Variants in LRRTM4 observed in about 807,000 individuals in gnomAD.
LRRTM4 encodes the protein leucine-rich repeat transmembrane neuronal protein 4.
LRRTM4 carries 25 observed loss-of-function variants against 47.6 expected under a neutral mutation model. That is an observed-to-expected ratio of 0.53 (90% CI 0.38 to 0.73). The LOEUF (loss-of-function observed/expected upper bound fraction) is 0.73, where lower values mean the gene tolerates loss of function less well. LRRTM4 is among the 30% of genes least tolerant of loss of function. The pLI is 0.00. For missense variants in LRRTM4, 638 were observed against 713.4 expected (o/e 0.89, Z 1.20); for synonymous variants, 311 against 269.5 (o/e 1.15, Z -1.51).
chr2:77,046,536 C>A (rs184176848), intron 3 of LRRTM4, among the ~76,000 whole-genome samples: 124 of 151,992 alleles, frequency 8.2e-4, no homozygotes, highest in Middle Eastern at 3.4e-3. Flanking sequence ...CCTGGAGGAG[C>A]CTTTGGCAGA....
intron 3 of LRRTM4, among the ~76,000 whole-genome samples, chr2:76,807,016 T>G (rs1676002197): frequency 6.6e-6 from 1 of 152,164 alleles, no homozygotes; most frequent in Admixed American, 6.5e-5. Context: ...GAAGAAAATT[T>G]AAAAACATTT....
chr2:76,928,369 T>C (rs1023331856), intron 3 of LRRTM4, among the ~76,000 whole-genome samples: 3 of 152,186 alleles, frequency 2.0e-5, no homozygotes, highest in Non-Finnish European at 2.9e-5. Context: ...TGAATATGTT[T>C]AAACAAGTGC....
At chr2:77,503,079 C>T (rs1201082120) in intron 3 of LRRTM4, among the ~76,000 whole-genome samples, 2 of 150,434 alleles carry the variant, frequency 1.3e-5, no homozygotes, top group African/African-American at 2.4e-5. Flanking sequence ...GGTTCTCATT[C>T]TATCAACAAT....
intron 3 of LRRTM4, among the ~76,000 whole-genome samples, chr2:77,404,707 T>C (rs1317159976): frequency 6.6e-6 from 1 of 152,072 alleles, no homozygotes; most frequent in Non-Finnish European, 1.5e-5. Context: ...TTTCTTTCAA[T>C]ATCATCATAA....
intron 3 of LRRTM4, among the ~76,000 whole-genome samples, chr2:77,030,614 A>G (rs922518542): frequency 1.1e-4 from 16 of 152,188 alleles, no homozygotes; most frequent in African/African-American, 3.6e-4. Context: ...CTACCCTTTA[A>G]AACAATTTTT....
intron 3 of LRRTM4, among the ~76,000 whole-genome samples, chr2:77,163,534 C>A (rs1413686379): frequency 6.6e-6 from 1 of 152,036 alleles, no homozygotes; most frequent in East Asian, 1.9e-4. Flanking sequence ...TCAGATTTAC[C>A]AAAGATGACG....
At chr2:76,970,005 A>T (rs780595191) in intron 3 of LRRTM4, among the ~76,000 whole-genome samples, 5 of 151,958 alleles carry the variant, frequency 3.3e-5, no homozygotes, top group Non-Finnish European at 7.4e-5. Flanking sequence ...AATTTTTGAG[A>T]TCACATGGCC....
intron 3 of LRRTM4, among the ~76,000 whole-genome samples, chr2:76,985,181 G>T (rs1676750017): frequency 6.6e-6 from 1 of 151,478 alleles, no homozygotes; most frequent in African/African-American, 2.4e-5. Context: ...TTTTATTTGA[G>T]ATTATTTTGT....
At chr2:77,400,074 T>C (rs1307180439) in intron 3 of LRRTM4, among the ~76,000 whole-genome samples, 2 of 151,818 alleles carry the variant, frequency 1.3e-5, no homozygotes, top group Admixed American at 1.3e-4. Flanking sequence ...CTCACCACCC[T>C]ATTCTCTGGA....
chr2:77,104,444 A>G (rs1671038765), intron 3 of LRRTM4, among the ~76,000 whole-genome samples: 1 of 152,194 alleles, frequency 6.6e-6, no homozygotes, highest in Admixed American at 6.5e-5. Context: ...ACAAGGCAGA[A>G]ATTTGAAGGC....
intron 3 of LRRTM4, among the ~76,000 whole-genome samples, chr2:77,273,053 C>T (rs958431644): frequency 1.3e-5 from 2 of 152,108 alleles, no homozygotes; most frequent in Non-Finnish European, 2.9e-5. Context: ...TTCTGTGTGG[C>T]ATAACAAATT....
chr2:76,918,093 A>G (rs1435972641), intron 3 of LRRTM4, among the ~76,000 whole-genome samples: 1 of 152,212 alleles, frequency 6.6e-6, no homozygotes, highest in Non-Finnish European at 1.5e-5. Flanking sequence ...AGTATTAATA[A>G]TTCACATATT....
rs1159680713 is a variant in LRRTM4, at chr2:76,998,013, A to G, written c.1552-249097T>C. 2.6e-5 allele frequency among the ~76,000 whole-genome samples: 4 copies of G among 152,116 alleles called. No individual in the cohort carries two copies. In the East Asian group the frequency reaches 5.8e-4, roughly 22 times the overall value. On this transcript the variant is annotated intron_variant, in intron 3 of 3. Coordinates refer to ENST00000409884, the MANE Select transcript of LRRTM4 (RefSeq NM_001134745.3). ...TGTCTAGTTACAGAAAAACAAGTTC[A>G]GGGCTTCCACTGATTATACATTATG...
intron 3 of LRRTM4, among the ~76,000 whole-genome samples, chr2:77,456,981 T>A (rs1676570383): frequency 8.1e-6 from 1 of 124,200 alleles, no homozygotes; most frequent in African/African-American, 2.8e-5. Flanking sequence ...TATAAATGTA[T>A]ATATTAGTGT....
chr2:77,362,158 A>AAGGAAGGAAGGAAGGAAGG (rs1558707399), intron 3 of LRRTM4, among the ~76,000 whole-genome samples: 6 of 136,466 alleles, frequency 4.4e-5, no homozygotes, highest in African/African-American at 2.1e-4. Context: ...AGAAAGAAAG[A>AAGGAAGGAAGGAAGGAAGG]AAGAAAGAAA....
intron 3 of LRRTM4, among the ~76,000 whole-genome samples, chr2:76,904,774 A>C (rs917094805): frequency 8.5e-5 from 13 of 152,196 alleles, no homozygotes; most frequent in African/African-American, 3.1e-4. Context: ...CATATGTAAA[A>C]AATGAAAGGG....
intron 3 of LRRTM4, among the ~76,000 whole-genome samples, chr2:77,107,855 T>G (rs544076181): frequency 8.3e-6 from 1 of 120,740 alleles, no homozygotes; most frequent in East Asian, 2.5e-4. Context: ...GAAAAGAAAA[T>G]AACAAGATTT....
intron 3 of LRRTM4, among the ~76,000 whole-genome samples, chr2:77,019,586 A>G (rs887384896): frequency 6.6e-6 from 1 of 152,160 alleles, no homozygotes; most frequent in Non-Finnish European, 1.5e-5. Context: ...GCACACAGTA[A>G]TTGCTTAAAA....
chr2:77,084,896 T>C (rs1026595804), intron 3 of LRRTM4, among the ~76,000 whole-genome samples: 2 of 152,124 alleles, frequency 1.3e-5, no homozygotes, highest in South Asian at 2.1e-4. Context: ...TGTTTAATAA[T>C]GGTAGTGATA....
Sources: gnomAD v4.1 joint callset for allele counts (sites outside exome capture counted in the v4.1 genomes callset) on GRCh38, gnomAD v4.1.1 for gene constraint, MANE v1.5 for transcripts, NCBI Gene and HGNC (gene_info 2026-07-23, HGNC 2026-07-21) for gene names.